SPARC: variants seen among roughly 807,000 people sequenced by gnomAD.
The protein encoded by SPARC is basement-membrane protein 40.
Under a neutral mutation model 37.7 loss-of-function variants are expected in SPARC, and 23 were observed. The ratio of observed to expected loss-of-function variants is 0.61; its 90% CI spans 0.44 to 0.87. SPARC has a LOEUF of 0.87. Among genes scored for constraint, SPARC ranks in the 40% least tolerant of loss-of-function variants. SPARC has a pLI of 0.00. For missense variants in SPARC, 312 were observed against 389.0 expected (o/e 0.80, Z 1.66); for synonymous variants, 155 against 150.8 (o/e 1.03, Z -0.20).
chr5:151,672,916 T>C (rs1297989483), intron 4 of SPARC: 2 of 564,480 alleles, frequency 3.5e-6, no homozygotes, highest in Non-Finnish European at 6.4e-6. Flanking sequence ...ACCACACACA[T>C]GGATGGCCTG....
chr5:151,673,091 G>A (rs368158697), intron 4 of SPARC, 38 bp downstream of exon 4: 5 of 1,485,276 alleles, frequency 3.4e-6, no homozygotes, highest in African/African-American at 1.4e-5. Context: ...GCAGCCAAGG[G>A]CAGCTTGGAT....
intron 2 of SPARC, 63 bp downstream of exon 2, chr5:151,676,069 C>G: frequency 3.5e-6 from 5 of 1,409,126 alleles, no homozygotes; most frequent in Non-Finnish European, 5.0e-6. Flanking sequence ...GGCTGGCAGG[C>G]TCAGAACCCC....
chr5:151,674,519 T>A, intron 3 of SPARC, 93 bp downstream of exon 3: 1 of 1,152,318 alleles, frequency 8.7e-7, no homozygotes, highest in Non-Finnish European at 1.3e-6. Context: ...AATGCCCCAC[T>A]CTAGCATTGA....
intron 4 of SPARC, among the ~76,000 whole-genome samples, chr5:151,672,368 C>T (rs192400249): frequency 6.6e-6 from 1 of 152,252 alleles, no homozygotes; most frequent in East Asian, 1.9e-4. Flanking sequence ...TTTTAATAAT[C>T]CTTTAGCGGA....
At chr5:151,667,014 C>A (rs1760638337) in intron 7 of SPARC, among the ~76,000 whole-genome samples, 1 of 152,192 alleles carries the variant, frequency 6.6e-6, no homozygotes, top group Non-Finnish European at 1.5e-5. Flanking sequence ...CAGAGTGAGA[C>A]TTTGCCTCAA....
At chr5:151,681,118 G>A (rs375055092) in intron 1 of SPARC, among the ~76,000 whole-genome samples, 14 of 152,210 alleles carry the variant, frequency 9.2e-5, no homozygotes, top group African/African-American at 3.4e-4. Context: ...AACACATGTT[G>A]CTGGTAAACA....
At position 151,673,966 on chromosome 5, in the gene SPARC, C is replaced by CTGTGTG. The variant is rs3138755; in HGVS notation, c.120+640_120+645dup. Among the ~76,000 whole-genome samples, 355 of 141,854 alleles carry CTGTGTG rather than the reference C, an allele frequency of 2.5e-3. 1 individual carries two copies. Among genetic ancestry groups the CTGTGTG allele is most frequent in the Non-Finnish European group, 3.9e-3 (256 of 64,926 alleles). The allele number at this position is 141,854 out of a possible 152,430, so 93.1% of individuals were successfully genotyped here. On this transcript the variant is annotated intron_variant, in intron 3 of 9. Coordinates refer to ENST00000231061, the MANE Select transcript of SPARC (RefSeq NM_003118.4). ...CACACCCAAGCATCTCCCCTTTCCTCTGTGTGTGTGTGTGTGTGTGTGTGT... is the reference window on the plus strand; with the variant it reads ...CACACCCAAGCATCTCCCCTTTCCTCTGTGTGTGTGTGTGTGTGTGTGTGTGTGTGT...
At chr5:151,666,540 G>A (rs367580475) in intron 7 of SPARC, 31 bp from the exon 8 acceptor site, 2 of 1,606,042 alleles carry the variant, frequency 1.2e-6, no homozygotes, top group Non-Finnish European at 1.7e-6. Context: ...TGTGACAAGA[G>A]GTCCATGGAG....
intron 3 of SPARC, 146 bp downstream of exon 3, chr5:151,674,466 A>G: frequency 1.4e-6 from 1 of 705,168 alleles, no homozygotes; most frequent in South Asian, 1.8e-5. Context: ...GATGTGGGAT[A>G]TACTCAGGGT....
intron 3 of SPARC, among the ~76,000 whole-genome samples, chr5:151,673,777 T>C (rs1172506525): frequency 6.6e-6 from 1 of 152,160 alleles, no homozygotes; most frequent in Non-Finnish European, 1.5e-5. Flanking sequence ...CGTGTCTCCC[T>C]AAAATGTATG....
Position 151,669,775 on chromosome 5 carries a change from T to A in SPARC, c.340A>T (p.Asn114Tyr). ...PIGEFEKVCS[N>Y]DNKTFDSSCH... Reference sequence around the variant, plus strand: ...GAAGAGTCGAAGGTCTTGTTGTCATTGCTGCACACCTGTTGGCAAAGCACA... The same window carrying A: ...GAAGAGTCGAAGGTCTTGTTGTCATAGCTGCACACCTGTTGGCAAAGCACA... The change falls in exon 6 of 10, where the codon AAT (asparagine) becomes TAT (tyrosine). Residue 114 changes from asparagine to tyrosine, a missense_variant. Asn to Tyr is a moderately radical substitution (Grantham distance 143, BLOSUM62 -2). Coordinates refer to ENST00000231061, the MANE Select transcript of SPARC (RefSeq NM_003118.4). The A allele has an allele frequency of 6.2e-7, 1 of 1,614,218 alleles. No homozygotes were observed.
intron 1 of SPARC, among the ~76,000 whole-genome samples, chr5:151,681,428 C>A (rs1463452739): frequency 6.6e-6 from 1 of 152,216 alleles, no homozygotes; most frequent in African/African-American, 2.4e-5. Flanking sequence ...AGAACTAACA[C>A]CCCCAGCTTG....
intron 2 of SPARC, among the ~76,000 whole-genome samples, chr5:151,674,932 A>T (rs1352014487): frequency 6.6e-6 from 1 of 152,194 alleles, no homozygotes; most frequent in Non-Finnish European, 1.5e-5. Flanking sequence ...TTTAGCTTGG[A>T]AAAGTATTTC....
intron 1 of SPARC, among the ~76,000 whole-genome samples, chr5:151,685,422 T>TCTCACA (rs1216324359): frequency 2.8e-4 from 40 of 140,520 alleles, no homozygotes; most frequent in African/African-American, 9.9e-4. Context: ...CCTCTCTCTC[T>TCTCACA]CACACACACA....
At chr5:151,666,741 C>T (rs1276050171) in intron 7 of SPARC, among the ~76,000 whole-genome samples, 5 of 152,176 alleles carry the variant, frequency 3.3e-5, no homozygotes, top group Non-Finnish European at 7.4e-5. Context: ...AATCACCTGG[C>T]GAAGGCCGGG....
intron 4 of SPARC, chr5:151,672,858 G>C (rs907017814): frequency 6.5e-6 from 3 of 458,708 alleles, no homozygotes; most frequent in Non-Finnish European, 8.0e-6. Context: ...TCAGGGCAAA[G>C]AGCTATGAGG....
At chr5:151,681,861 C>T (rs567736855) in intron 1 of SPARC, among the ~76,000 whole-genome samples, 71 of 152,182 alleles carry the variant, frequency 4.7e-4, no homozygotes, top group Non-Finnish European at 5.9e-4. Context: ...CCATTGCACT[C>T]TCGCCTGGGC....
At chr5:151,685,608 T>C (rs1001384211) in intron 1 of SPARC, among the ~76,000 whole-genome samples, 1 of 152,128 alleles carries the variant, frequency 6.6e-6, no homozygotes, top group Admixed American at 6.5e-5. Context: ...TCATTACAGA[T>C]GGGGCACTAA....
intron 3 of SPARC, among the ~76,000 whole-genome samples, chr5:151,673,604 G>A (rs960654162): frequency 6.6e-6 from 1 of 152,146 alleles, no homozygotes; most frequent in Non-Finnish European, 1.5e-5. Context: ...CAGATTCACT[G>A]AGCCAGATTA....
Sources: allele counts gnomAD v4.1 joint callset (sites outside exome capture counted in the v4.1 genomes callset), GRCh38; gene constraint gnomAD v4.1.1; transcripts MANE v1.5; gene names NCBI Gene and HGNC (gene_info 2026-07-23, HGNC 2026-07-21).